The following TAF9B variants were observed in gnomAD, a reference collection of about 807,000 sequenced individuals.
The protein encoded by TAF9B is TATA-box binding protein associated factor 9b.
TAF9B carries 47 observed loss-of-function variants against 17.6 expected under a neutral mutation model. The ratio of observed to expected loss-of-function variants is 2.68; its 90% CI spans 2.12 to 3.41. The LOEUF (loss-of-function observed/expected upper bound fraction) is 3.41. Among genes scored for constraint, TAF9B ranks in the 30% most tolerant of loss-of-function variants. The pLI is 0.00. For missense variants in TAF9B, 218 were observed against 189.3 expected (o/e 1.15, Z -0.89); for synonymous variants, 84 against 68.7 (o/e 1.22, Z -1.10).
chrX:78,134,634 C>T (rs1244432636), intron 5 of TAF9B, among the ~76,000 whole-genome samples: 6 of 111,312 alleles, frequency 5.4e-5, no homozygotes, highest in Non-Finnish European at 7.5e-5. Context: ...CTGAGAAATC[C>T]GGGTTTTACT....
At position 78,130,603 on chromosome X, in the gene TAF9B, A is replaced by G. The variant is rs1240436114; in HGVS notation, c.*1007T>C. The G allele has an allele frequency of 2.7e-5, 3 of 112,387 alleles. No homozygotes were observed. The highest frequency in any genetic ancestry group is 9.7e-5 in the African/African-American group (3 of 30,921). 9.3% of individuals were successfully genotyped at this position (112,387 alleles called of 1,213,427 possible). A position where few individuals can be genotyped will look rare whatever the true frequency, so the allele number is the denominator to read the frequency against. ...GGGCTCAAGCAGCAGTGATCAAAAC[A>G]TAATATGTATGTGGTAAAAAGGAAC... On this transcript the variant is annotated 3_prime_UTR_variant, in exon 7 of 7. Transcript: ENST00000341864.
At position 78,130,188 on chromosome X, in the gene TAF9B, A is replaced by T. The variant is rs1242602035; in HGVS notation, c.*1422T>A. Reference sequence around the variant, plus strand: ...TACTGGACTTTCTTAGATATATCAAACACTATCCTAAGATGAAACTTCTGT... The same window carrying T: ...TACTGGACTTTCTTAGATATATCAATCACTATCCTAAGATGAAACTTCTGT... On this transcript the variant is annotated 3_prime_UTR_variant, in exon 7 of 7. Coordinates refer to ENST00000341864, the MANE Select transcript of TAF9B (RefSeq NM_015975.5). 3 of 112,384 alleles carry T rather than the reference A, an allele frequency of 2.7e-5. No homozygotes were observed. The highest frequency in any genetic ancestry group is 5.6e-5 in the Non-Finnish European group (3 of 53,296). 9.3% of individuals were successfully genotyped at this position (112,384 alleles called of 1,213,427 possible).
At chrX:78,133,699 T>C (rs2078423570) in intron 5 of TAF9B, among the ~76,000 whole-genome samples, 1 of 111,780 alleles carries the variant, frequency 8.9e-6, no homozygotes, top group Non-Finnish European at 1.9e-5. Flanking sequence ...ATACAGGCTC[T>C]CACCTACTAG....
intron 5 of TAF9B, among the ~76,000 whole-genome samples, chrX:78,135,252 C>A (rs782734435): frequency 6.1e-4 from 63 of 102,643 alleles, no homozygotes; most frequent in African/African-American, 2.1e-3. Context: ...CGCACCTGGC[C>A]AACTCATTTT....
chrX:78,132,177 A>G (rs2078416355), intron 6 of TAF9B, among the ~76,000 whole-genome samples: 1 of 110,548 alleles, frequency 9.0e-6, no homozygotes, highest in Non-Finnish European at 1.9e-5. Context: ...TATTTTCAGT[A>G]GAGACGGGGT....
intron 1 of TAF9B, 124 bp downstream of exon 1, chrX:78,139,437 C>T (rs1200532231): frequency 2.0e-6 from 2 of 1,018,430 alleles, no homozygotes; most frequent in African/African-American, 1.9e-5. Context: ...CCCTCTCCTC[C>T]TGACGGCCCT....
Position 78,131,640 on chromosome X carries a change from A to G in TAF9B, c.726T>C (p.His242=), listed in dbSNP as rs1557249472. The G allele has an allele frequency of 1.7e-6, 2 of 1,210,794 alleles. No homozygotes were observed. Among genetic ancestry groups the G allele is most frequent in the Admixed American group, 2.2e-5 (1 of 45,992 alleles). The change falls in exon 7 of 7, where the codon CAT becomes CAC. Residue 242 remains histidine, a synonymous_variant. Transcript: ENST00000341864. The part of the protein sequence containing the change: ...ANEANPLKRK[H]EDDDDNDIM ...TAATATCATTGTCATCATCATCTTC[A>G]TGTTTTCTCTTCAGTGGGTTTGCTT...
At position 78,133,333 on chromosome X, in the gene TAF9B, A is replaced by G; in HGVS notation, c.592+5T>C. 1 of 1,192,708 alleles carries G rather than the reference A, an allele frequency of 8.4e-7. No homozygotes were observed. Among genetic ancestry groups the G allele is most frequent in the Non-Finnish European group, 1.1e-6 (1 of 878,716 alleles). On this transcript the variant is annotated splice_donor_5th_base_variant and intron_variant, in intron 6 of 6. Coordinates refer to ENST00000341864, the MANE Select transcript of TAF9B (RefSeq NM_015975.5). ...AATTCTGTCCCCCACTCCCAATCACATTACCTGGTTTGACAGGTGTGGACT... is the reference window on the plus strand; with the variant it reads ...AATTCTGTCCCCCACTCCCAATCACGTTACCTGGTTTGACAGGTGTGGACT...
At position 78,138,864 on chromosome X, in the gene TAF9B, GA is replaced by G; in HGVS notation, c.111del (p.Gln38LysfsTer10). ...TTACGGAAAGCAAATTCCAACATTT[GA>G]TTTATAACCCTTGGTTCATACTCTG... is the stretch of plus-strand genomic sequence containing the variant. Reference protein sequence around the residue: ...GITEYEPRVINQMLEFAFRYV... With the variant: ...GITEYEPRVIXQMLEFAFRYV... On this transcript the variant is annotated frameshift_variant, in exon 2 of 7. Coordinates refer to ENST00000341864, the MANE Select transcript of TAF9B (RefSeq NM_015975.5). LOFTEE classifies it high-confidence loss of function. The G allele has an allele frequency of 8.3e-7, 1 of 1,207,666 alleles. No homozygotes were observed. The highest frequency in any genetic ancestry group is 1.1e-6 in the Non-Finnish European group (1 of 891,953).
In TAF9B at chrX:78,130,256, AT is replaced by A; in HGVS notation, c.*1353del. The A allele has an allele frequency of 8.9e-6, 1 of 112,188 alleles. No individual in the cohort carries two copies. The highest frequency in any genetic ancestry group is 1.9e-5 in the Non-Finnish European group (1 of 53,296). The allele number at this position is 112,188 out of a possible 1,213,427, so 9.2% of individuals were successfully genotyped here. A position where few individuals can be genotyped will look rare whatever the true frequency, so the allele number is the denominator to read the frequency against. ...ATAAATTCTCAATTATGATACGAAC[AT>A]TTATTTTACAAATTCTACAAAAGTA... On this transcript the variant is annotated 3_prime_UTR_variant, in exon 7 of 7. Transcript: ENST00000341864.
At chrX:78,134,402 G>A (rs1002731733) in intron 5 of TAF9B, among the ~76,000 whole-genome samples, 3 of 111,356 alleles carry the variant, frequency 2.7e-5, no homozygotes, top group Non-Finnish European at 3.8e-5. Flanking sequence ...TGTAAGACTC[G>A]AAGACTTAAT....
chrX:78,132,737 T>C (rs2078418857), intron 6 of TAF9B, among the ~76,000 whole-genome samples: 1 of 110,676 alleles, frequency 9.0e-6, no homozygotes, highest in South Asian at 3.8e-4. Context: ...TTTTGTCGCT[T>C]TCTTGAGCTT....
rs1569550990 is a variant in TAF9B at position 78,131,638 on chromosome X, TC to T, written c.727del (p.Glu243LysfsTer16). 2 of 1,210,969 alleles carry T rather than the reference TC, an allele frequency of 1.7e-6. No individual in the cohort carries two copies. The highest frequency in any genetic ancestry group is 4.3e-5 in the Admixed American group (2 of 46,019). On this transcript the variant is annotated frameshift_variant, in exon 7 of 7. Coordinates refer to ENST00000341864, the MANE Select transcript of TAF9B (RefSeq NM_015975.5). LOFTEE classifies it high-confidence loss of function. ...CATAATATCATTGTCATCATCATCTTCATGTTTTCTCTTCAGTGGGTTTGCT... is the reference window on the plus strand; with the variant it reads ...CATAATATCATTGTCATCATCATCTTATGTTTTCTCTTCAGTGGGTTTGCT... ...NEANPLKRKH[E>X]DDDDNDIM
At chrX:78,135,931 A>G (rs977504352) in intron 5 of TAF9B, among the ~76,000 whole-genome samples, 3 of 112,147 alleles carry the variant, frequency 2.7e-5, no homozygotes, top group Admixed American at 1.9e-4. Flanking sequence ...TACAACTAAT[A>G]CTATACCCAA....
chrX:78,134,884 G>C (rs1433972006), intron 5 of TAF9B, among the ~76,000 whole-genome samples: 1 of 111,056 alleles, frequency 9.0e-6, no homozygotes, highest in Non-Finnish European at 1.9e-5. Flanking sequence ...GAACACATTA[G>C]ACTGTAGATG....
rs1166788183 is a variant in TAF9B, at chrX:78,131,649, C to T, written c.717G>A (p.Lys239=). The T allele has an allele frequency of 4.1e-6, 5 of 1,209,324 alleles. No individual in the cohort carries two copies. The highest frequency in any genetic ancestry group is 1.7e-5 in the African/African-American group (1 of 57,209). ...TGTCATCATCATCTTCATGTTTTCT[C>T]TTCAGTGGGTTTGCTTCATTGGCTG... ...QNTANEANPL[K]RKHEDDDDND... The change falls in exon 7 of 7, where the codon AAG becomes AAA. Residue 239 remains lysine, a synonymous_variant. Coordinates refer to ENST00000341864, the MANE Select transcript of TAF9B (RefSeq NM_015975.5).
intron 1 of TAF9B, among the ~76,000 whole-genome samples, 172 bp from the exon 2 acceptor site, chrX:78,139,096 G>A (rs936565634): frequency 3.6e-5 from 4 of 111,733 alleles, no homozygotes; most frequent in African/African-American, 1.3e-4. Context: ...CGCATAGTAC[G>A]CTTTTGCAGA....
intron 6 of TAF9B, among the ~76,000 whole-genome samples, chrX:78,132,065 C>T (rs2078415780): frequency 8.9e-6 from 1 of 111,887 alleles, no homozygotes; most frequent in South Asian, 3.7e-4. Flanking sequence ...GTGATCTTGG[C>T]TCACTGCAAC....
At chrX:78,137,032 C>G (rs2078436838) in intron 4 of TAF9B, 42 bp from the exon 5 acceptor site, 1 of 936,737 alleles carries the variant, frequency 1.1e-6, no homozygotes, top group Non-Finnish European at 1.5e-6. Flanking sequence ...GATGTGACAC[C>G]TAAATTTACC....
Sources: gnomAD v4.1 joint callset for allele counts (sites outside exome capture counted in the v4.1 genomes callset) on GRCh38, gnomAD v4.1.1 for gene constraint, MANE v1.5 for transcripts, NCBI Gene and HGNC (gene_info 2026-07-23, HGNC 2026-07-21) for gene names.